The following MCTP2 variants were observed in gnomAD, a reference collection of about 807,000 sequenced individuals.
The protein encoded by MCTP2 is multiple C2 and transmembrane domain containing 2.
MCTP2 carries 132 observed loss-of-function variants against 111.6 expected under a neutral mutation model. The observed-to-expected ratio is 1.18, with a 90% confidence interval of 1.03 to 1.37. The LOEUF is 1.37. Ranked by LOEUF, MCTP2 falls within the 40% of genes most tolerant of loss-of-function variation. MCTP2 has a pLI of 0.00. For missense variants in MCTP2, 1,183 were observed against 1,067.9 expected, an observed-to-expected ratio of 1.11 and a Z score of -1.50; for synonymous variants, 395 against 387.7, an observed-to-expected ratio of 1.02 and a Z score of -0.22.
chr15:94,419,422 G>C (rs993559043), intron 17 of MCTP2, among the ~76,000 whole-genome samples: 1 of 152,108 alleles, frequency 6.6e-6, no homozygotes, highest in Non-Finnish European at 1.5e-5. Context: ...AGAGGTATAA[G>C]TGGAAATATG....
intron 4 of MCTP2, among the ~76,000 whole-genome samples, chr15:94,324,995 A>T (rs1327662292): frequency 6.6e-6 from 1 of 152,110 alleles, no homozygotes; most frequent in Non-Finnish European, 1.5e-5. Flanking sequence ...TCTGAATGGG[A>T]TGTACTGAAG....
rs2076280561 is a variant in MCTP2 at position 94,314,295 on chromosome 15, G to A, written c.479G>A (p.Ser160Asn). 6.2e-7 allele frequency: 1 copy of A among 1,608,792 alleles called. No individual in the cohort carries two copies. The highest frequency in any genetic ancestry group is 8.5e-7 in the Non-Finnish European group (1 of 1,177,992). ...APEEPEKLCG[S>N]SDLNASMTSQ... ...TTTTCTTTGCAGAAGCTATGTGGAA[G>A]CAGTGACCTGAATGCTTCTATGACA... Residue 160 changes from serine (S) to asparagine (N), a missense_variant, in exon 3 of 23, where the codon AGC (serine) becomes AAC (asparagine). Physicochemically the swap from Ser to Asn is conservative, Grantham distance 46. Coordinates refer to ENST00000357742, the MANE Select transcript of MCTP2 (RefSeq NM_001385001.1).
At chr15:94,271,373 A>C (rs1310902907) in intron 1 of MCTP2, among the ~76,000 whole-genome samples, 2 of 152,188 alleles carry the variant, frequency 1.3e-5, no homozygotes, top group Admixed American at 6.5e-5. Flanking sequence ...ACATGAGACT[A>C]CCTTAAGGGC....
At chr15:94,366,917 A>G (rs1436184803) in intron 10 of MCTP2, among the ~76,000 whole-genome samples, 3 of 152,198 alleles carry the variant, frequency 2.0e-5, no homozygotes, top group African/African-American at 7.2e-5. Context: ...CATCCCCAGA[A>G]CATTGGCTGT....
At position 94,476,645 on chromosome 15, in the gene MCTP2, T is replaced by TAGACAGAC. The variant is rs751772966; in HGVS notation, c.2471-48_2471-47insCAGACAGA. Reference sequence around the variant, plus strand: ...ATAGATAGATAGATAGATAGATAGATAGATAGACAGACAGACAGATAAAGA... The same window carrying TAGACAGAC: ...ATAGATAGATAGATAGATAGATAGATAGACAGACAGATAGACAGACAGACAGATAAAGA... On this transcript the variant is annotated intron_variant, in intron 21 of 22. Transcript: ENST00000357742. 5.7e-5 allele frequency: 48 copies of TAGACAGAC among 842,740 alleles called. No homozygotes were observed. In the African/African-American group the frequency reaches 7.7e-4, roughly 14 times the overall value. The allele number at this position is 842,740 out of a possible 1,614,324, so 52.2% of individuals were successfully genotyped here. A position where few individuals can be genotyped will look rare whatever the true frequency, so the allele number is the denominator to read the frequency against.
intron 1 of MCTP2, among the ~76,000 whole-genome samples, chr15:94,245,971 C>G (rs2071969883): frequency 6.6e-6 from 1 of 152,012 alleles, no homozygotes; most frequent in African/African-American, 2.4e-5. Context: ...TAGTGGTAAC[C>G]TCTTCGGAGC....
At chr15:94,430,303 C>G (rs1281149375) in intron 17 of MCTP2, among the ~76,000 whole-genome samples, 1 of 151,816 alleles carries the variant, frequency 6.6e-6, no homozygotes, top group Non-Finnish European at 1.5e-5. Flanking sequence ...TTTCACTTCT[C>G]TTTCCAATAT....
chr15:94,358,470 C>T lies in MCTP2; in HGVS notation c.1171-12C>T. 1 of 1,603,328 alleles carries T rather than the reference C, an allele frequency of 6.2e-7. No homozygotes were observed. Among genetic ancestry groups the T allele is most frequent in the Admixed American group, 1.7e-5 (1 of 57,768 alleles). ...TTTAAGAAAATAAATATTATAACTG[C>T]ATGTTTTCTAGACACTGTGTAAGAG... On this transcript the variant is annotated splice_polypyrimidine_tract_variant and intron_variant, in intron 9 of 22. Transcript: ENST00000357742.
intron 1 of MCTP2, among the ~76,000 whole-genome samples, chr15:94,235,301 C>G (rs752097831): frequency 6.6e-5 from 10 of 152,022 alleles, no homozygotes; most frequent in Non-Finnish European, 1.2e-4. Flanking sequence ...TCATTCTCCT[C>G]CACTGATGTT....
rs1215325329 is a variant in MCTP2, at chr15:94,390,114, GTA to G, written c.1788+4606_1788+4607del. On this transcript the variant is annotated intron_variant, in intron 14 of 22. Coordinates refer to ENST00000357742, the MANE Select transcript of MCTP2 (RefSeq NM_001385001.1). Reference sequence around the variant, plus strand: ...TGTATATATATATATATATATATATGTATATATATATATATATACTTAGATGT... The same window carrying G: ...TGTATATATATATATATATATATATGTATATATATATATATACTTAGATGT... 1.6e-3 allele frequency among the ~76,000 whole-genome samples: 33 copies of G among 20,080 alleles called. 1 individual carries two copies. The highest frequency in any genetic ancestry group is 3.7e-3 in the East Asian group (4 of 1,086). The allele number at this position is 20,080 out of a possible 152,430, so 13.2% of individuals were successfully genotyped here. A position where few individuals can be genotyped will look rare whatever the true frequency, so the allele number is the denominator to read the frequency against.
At chr15:94,431,465 A>T (rs1486162479) in intron 17 of MCTP2, among the ~76,000 whole-genome samples, 1 of 152,198 alleles carries the variant, frequency 6.6e-6, no homozygotes, top group Non-Finnish European at 1.5e-5. Flanking sequence ...GAATGTCTTA[A>T]TGTTGGCCAG....
chr15:94,271,131 G>A (rs1357282682), intron 1 of MCTP2, among the ~76,000 whole-genome samples: 1 of 152,158 alleles, frequency 6.6e-6, no homozygotes, highest in Non-Finnish European at 1.5e-5. Flanking sequence ...TATGTGAGAC[G>A]AGAGTGTGTG....
At chr15:94,357,271 A>G (rs1245264939) in intron 9 of MCTP2, among the ~76,000 whole-genome samples, 1 of 152,218 alleles carries the variant, frequency 6.6e-6, no homozygotes, top group African/African-American at 2.4e-5. Context: ...AAAAATGTGA[A>G]AATTGAGGGT....
chr15:94,349,830 A>AAC (rs2078207277), intron 8 of MCTP2, among the ~76,000 whole-genome samples: 1 of 151,890 alleles, frequency 6.6e-6, no homozygotes, highest in Non-Finnish European at 1.5e-5. Context: ...AAAAAAAAAA[A>AAC]AAAAAAGACT....
rs555626732 is a variant in MCTP2 at position 94,292,285 on chromosome 15, C to G, written c.-65-5916C>G. Among the ~76,000 whole-genome samples, 4 of 152,236 alleles carry G rather than the reference C, an allele frequency of 2.6e-5. No individual in the cohort carries two copies. In the South Asian group the frequency reaches 8.3e-4, roughly 32 times the overall value. ...CATTCTCACTAATACTATTCACTAT[C>G]TTATTTGAAGTCTTAGTCCAATAAG... is the stretch of plus-strand genomic sequence containing the variant. On this transcript the variant is annotated intron_variant, in intron 1 of 22. Coordinates refer to ENST00000357742, the MANE Select transcript of MCTP2 (RefSeq NM_001385001.1).
intron 12 of MCTP2, among the ~76,000 whole-genome samples, chr15:94,372,933 G>T (rs937015416): frequency 6.6e-6 from 1 of 152,174 alleles, no homozygotes; most frequent in African/African-American, 2.4e-5. Flanking sequence ...AGAACAACAT[G>T]AAGTAACCAC....
At chr15:94,319,105 CA>C in intron 4 of MCTP2, among the ~76,000 whole-genome samples, 1 of 149,342 alleles carries the variant, frequency 6.7e-6, no homozygotes, top group East Asian at 2.0e-4. Flanking sequence ...CCCACTCTTT[CA>C]ACATTTTTTA....
intron 1 of MCTP2, among the ~76,000 whole-genome samples, chr15:94,286,192 C>T (rs1378147915): frequency 2.6e-5 from 4 of 152,176 alleles, no homozygotes; most frequent in South Asian, 4.2e-4. Flanking sequence ...TTTGTTTTTG[C>T]CGCAAGCATA....
intron 1 of MCTP2, among the ~76,000 whole-genome samples, chr15:94,295,758 A>G (rs781383517): frequency 6.6e-6 from 1 of 152,056 alleles, no homozygotes; most frequent in Non-Finnish European, 1.5e-5. Flanking sequence ...TTCTATCTGT[A>G]CAAAAAAATA....
Sources: allele counts gnomAD v4.1 joint callset (sites outside exome capture counted in the v4.1 genomes callset), GRCh38; gene constraint gnomAD v4.1.1; transcripts MANE v1.5; gene names NCBI Gene and HGNC (gene_info 2026-07-23, HGNC 2026-07-21).